Variants in BNC1 observed in about 807,000 individuals in gnomAD.
The protein encoded by BNC1 is zinc finger protein basonuclin-1.
A neutral mutation model predicts 66.5 loss-of-function variants in BNC1; 8 were observed. The ratio of observed to expected loss-of-function variants is 0.12; its 90% CI spans 0.07 to 0.22. The LOEUF is 0.22. BNC1 is among the 10% of genes least tolerant of loss of function. BNC1 has a pLI of 1.00. For missense variants in BNC1, 1,069 were observed against 1,241.3 expected (o/e 0.86, Z 2.09); for synonymous variants, 454 against 452.6 (o/e 1.00, Z -0.04).
At chr15:83,275,291 T>G (rs1595941440) in intron 1 of BNC1, among the ~76,000 whole-genome samples, 1 of 151,718 alleles carries the variant, frequency 6.6e-6, no homozygotes, top group African/African-American at 2.4e-5. Context: ...AAGTCAGGGG[T>G]TCAGGACCAG....
Position 83,263,049 on chromosome 15 carries a change from A to T in BNC1, c.2202T>A (p.Ser734Arg). ...GCATATTCTTGTGATGAATTTTCAC[A>T]CTACAAGCATTTTTAAAGGTCTTCT... ...ICKKTFKNAC[S>R]VKIHHKNMHV... The change falls in exon 4 of 5, where the codon AGT becomes AGA. Residue 734 changes from serine to arginine, a missense_variant. Coordinates refer to ENST00000345382, the MANE Select transcript of BNC1 (RefSeq NM_001717.4). 1 of 1,614,192 alleles carries T rather than the reference A, an allele frequency of 6.2e-7. No homozygotes were observed. The highest frequency in any genetic ancestry group is 8.5e-7 in the Non-Finnish European group (1 of 1,180,034).
chr15:83,257,830 G>A lies in BNC1; in HGVS notation c.2597C>T (p.Ser866Leu). ...CCAGGAAGAATGGCTGCTACTCTCT[G>A]ACTTCATGCTCGAGGTAGTGCTCAA... ...LDLSTTSSMK[S>L]ESSSHSSWDS... The change falls in exon 5 of 5, where the codon TCA (serine) becomes TTA (leucine). Residue 866 changes from serine to leucine, a missense_variant. By Grantham distance (145) the Ser-to-Leu change is moderately radical. Transcript: ENST00000345382. 1 of 1,614,144 alleles carries A rather than the reference G, an allele frequency of 6.2e-7. No homozygotes were observed. Among genetic ancestry groups the A allele is most frequent in the Admixed American group, 1.7e-5 (1 of 60,026 alleles).
intron 1 of BNC1, among the ~76,000 whole-genome samples, chr15:83,273,317 C>G (rs1327932607): frequency 6.6e-6 from 1 of 152,062 alleles, no homozygotes; most frequent in Non-Finnish European, 1.5e-5. Flanking sequence ...GCACCATTAT[C>G]TAAAGATAAA....
At chr15:83,279,966 A>C (rs1187448437) in intron 1 of BNC1, among the ~76,000 whole-genome samples, 2 of 152,208 alleles carry the variant, frequency 1.3e-5, no homozygotes, top group African/African-American at 4.8e-5. Context: ...TGTGAGTTTA[A>C]AGTATGCATG....
At chr15:83,258,387 GTC>G (rs1426127854) in intron 4 of BNC1, among the ~76,000 whole-genome samples, 3 of 152,216 alleles carry the variant, frequency 2.0e-5, no homozygotes, top group African/African-American at 7.2e-5. Flanking sequence ...GATTTCCAGT[GTC>G]TGTTTGATGT....
chr15:83,283,511 G>C, intron 1 of BNC1: 1 of 985,394 alleles, frequency 1.0e-6, no homozygotes, highest in Non-Finnish European at 1.2e-6. Context: ...AGGCCAGGCT[G>C]GGCGGGACTG....
chr15:83,283,273 G>C lies in BNC1; in HGVS notation c.99+1257C>G. The C allele has an allele frequency of 2.0e-6, 3 of 1,531,794 alleles. No homozygotes were observed. In the South Asian group the frequency reaches 3.6e-5, roughly 18 times the overall value. The allele number at this position is 1,531,794 out of a possible 1,614,324, so 94.9% of individuals were successfully genotyped here. ...ATATCAGATCTCCTTCACTCGCCTC[G>C]CCACAATCTTGTCACATCTGGCTGA... On this transcript the variant is annotated intron_variant, in intron 1 of 4. Transcript: ENST00000345382.
At chr15:83,267,190 T>A (rs2038226671) in intron 2 of BNC1, 119 bp from the exon 3 acceptor site, 1 of 712,512 alleles carries the variant, frequency 1.4e-6, no homozygotes, top group Non-Finnish European at 2.3e-6. Context: ...AATACATGAA[T>A]ATACAAATGA....
intron 3 of BNC1, among the ~76,000 whole-genome samples, chr15:83,265,360 G>T (rs8026576): frequency 0.089 from 13,549 of 152,128 alleles, 805 homozygotes; most frequent in African/African-American, 0.16. Flanking sequence ...CTGGAGTGTT[G>T]GAGATCTTTC....
intron 4 of BNC1, among the ~76,000 whole-genome samples, chr15:83,260,767 G>A (rs1443434776): frequency 1.3e-5 from 2 of 152,236 alleles, no homozygotes; most frequent in Non-Finnish European, 2.9e-5. Context: ...GTTGCTGGCA[G>A]TAGCAGTGGC....
intron 1 of BNC1, among the ~76,000 whole-genome samples, chr15:83,281,906 G>A (rs1435805978): frequency 1.3e-5 from 2 of 152,196 alleles, no homozygotes; most frequent in Non-Finnish European, 2.9e-5. Flanking sequence ...GGCCTGGGAT[G>A]CAGGCCTAAC....
chr15:83,275,765 T>C (rs1172621078), intron 1 of BNC1, among the ~76,000 whole-genome samples: 1 of 152,156 alleles, frequency 6.6e-6, no homozygotes, highest in Admixed American at 6.5e-5. Flanking sequence ...GGGGCCAATG[T>C]AGCTGGAGTG....
intron 4 of BNC1, 51 bp from the exon 5 acceptor site, chr15:83,258,177 GTCA>G: frequency 1.3e-6 from 2 of 1,517,966 alleles, no homozygotes; most frequent in Non-Finnish European, 1.8e-6. Flanking sequence ...TTTAGAAACA[GTCA>G]TCATTCTGAG....
intron 1 of BNC1, among the ~76,000 whole-genome samples, chr15:83,275,113 G>C (rs1172025695): frequency 1.3e-5 from 2 of 152,180 alleles, no homozygotes; most frequent in East Asian, 3.9e-4. Flanking sequence ...AACTGATAAG[G>C]TCCCTACCTT....
At chr15:83,284,086 A>C (rs947161985) in intron 1 of BNC1, among the ~76,000 whole-genome samples, 15 of 151,896 alleles carry the variant, frequency 9.9e-5, no homozygotes, top group Admixed American at 2.6e-4. Flanking sequence ...CTGTTTCACA[A>C]ATTCTGAGGT....
chr15:83,261,492 T>A (rs1193610933), intron 4 of BNC1, among the ~76,000 whole-genome samples: 1 of 152,256 alleles, frequency 6.6e-6, no homozygotes, highest in African/African-American at 2.4e-5. Flanking sequence ...ATATTCAGTG[T>A]ACCATTTAAC....
intron 3 of BNC1, 51 bp from the exon 4 acceptor site, chr15:83,264,866 C>T: frequency 6.5e-7 from 1 of 1,547,100 alleles, no homozygotes; most frequent in Middle Eastern, 1.7e-4. Flanking sequence ...ACTCCTTACC[C>T]TTTCCTCTAA....
Position 83,257,357 on chromosome 15 carries a change from A to G in BNC1, c.*85T>C, listed in dbSNP as rs150026149. ...ACTTTTGCCTGACTCGCCCCAAATGATATGAAACAGAAACATTTCTATGGA... is the reference window on the plus strand; with the variant it reads ...ACTTTTGCCTGACTCGCCCCAAATGGTATGAAACAGAAACATTTCTATGGA... On this transcript the variant is annotated 3_prime_UTR_variant, in exon 5 of 5. Transcript: ENST00000345382. 33 of 1,422,082 alleles carry G rather than the reference A, an allele frequency of 2.3e-5. No individual in the cohort carries two copies. In the African/African-American group the frequency reaches 4.0e-4, roughly 17 times the overall value. 88.1% of individuals were successfully genotyped at this position (1,422,082 alleles called of 1,614,324 possible).
At chr15:83,274,349 C>T (rs1160707097) in intron 1 of BNC1, among the ~76,000 whole-genome samples, 1 of 152,168 alleles carries the variant, frequency 6.6e-6, no homozygotes, top group East Asian at 1.9e-4. Context: ...CGCGCCACTG[C>T]ACTCCAGCCT....
Sources: gnomAD v4.1 joint callset for allele counts (sites outside exome capture counted in the v4.1 genomes callset) on GRCh38, gnomAD v4.1.1 for gene constraint, MANE v1.5 for transcripts, NCBI Gene and HGNC (gene_info 2026-07-23, HGNC 2026-07-21) for gene names.